CACNB2: variants seen among roughly 807,000 people sequenced by gnomAD.
CACNB2 encodes calcium voltage-gated channel auxiliary subunit beta 2.
Under a neutral mutation model 73.3 loss-of-function variants are expected in CACNB2, and 42 were observed. The observed-to-expected ratio is 0.57, with a 90% CI of 0.45 to 0.74. The LOEUF (loss-of-function observed/expected upper bound fraction) is 0.74, where lower values mean the gene tolerates loss of function less well. Among genes scored for constraint, CACNB2 ranks in the 30% least tolerant of loss-of-function variants. CACNB2 has a pLI of 0.00. For synonymous variants in CACNB2, 348 were observed against 310.3 expected (o/e 1.12, Z -1.28); for missense variants, 940 against 853.0 (o/e 1.10, Z -1.27).
At chr10:18,409,302 GAAAA>G (rs11386791) in intron 3 of CACNB2, among the ~76,000 whole-genome samples, 1 of 137,888 alleles carries the variant, frequency 7.3e-6, no homozygotes, top group Non-Finnish European at 1.6e-5. Context: ...CTGTCTCCAG[GAAAA>G]AAAAAAAAAA....
chr10:18,151,721 A>T (rs1030361929), intron 2 of CACNB2, among the ~76,000 whole-genome samples: 115 of 152,012 alleles, frequency 7.6e-4, no homozygotes, highest in African/African-American at 2.7e-3. Flanking sequence ...TCTTCCTCTA[A>T]CCCCTCTCCA....
At chr10:18,210,672 G>C (rs986078519) in intron 2 of CACNB2, among the ~76,000 whole-genome samples, 3 of 152,096 alleles carry the variant, frequency 2.0e-5, no homozygotes, top group Admixed American at 2.0e-4. Flanking sequence ...TAGATTTATT[G>C]TTAGCATCAA....
chr10:18,380,937 A>G (rs1041062772), intron 2 of CACNB2, among the ~76,000 whole-genome samples: 6 of 152,060 alleles, frequency 3.9e-5, no homozygotes, highest in Admixed American at 1.3e-4. Context: ...TTGATCTTAT[A>G]TTAATTAGCA....
chr10:18,448,454 G>A (rs546849407), intron 3 of CACNB2, among the ~76,000 whole-genome samples: 100 of 118,430 alleles, frequency 8.4e-4, no homozygotes, highest in South Asian at 1.7e-3. Context: ...TAGCCTAGGC[G>A]ACAAGAGCAA....
At chr10:18,147,311 A>C (rs1474010579) in intron 1 of CACNB2, among the ~76,000 whole-genome samples, 1 of 152,196 alleles carries the variant, frequency 6.6e-6, no homozygotes, top group Non-Finnish European at 1.5e-5. Flanking sequence ...GAAATTTCTT[A>C]AGAATTTTTT....
rs1396623970 is a variant in CACNB2 at position 18,259,706 on chromosome 10, G to A, written c.213+108731G>A. Among the ~76,000 whole-genome samples the A allele has an allele frequency of 4.2e-5, 6 of 142,764 alleles. No individual in the cohort carries two copies. The East Asian group carries it at 1.3e-3, about 30-fold the overall frequency. The allele number at this position is 142,764 out of a possible 152,430, so 93.7% of individuals were successfully genotyped here. ...AGGTTGTGCCACTGCACTCCAGTCT[G>A]GGTGACAGAGTGAGACTCTGTCTCA... On this transcript the variant is annotated intron_variant, in intron 2 of 13. Transcript: ENST00000324631.
At position 18,440,278 on chromosome 10, in the gene CACNB2, G is replaced by C. The variant is rs558864867; in HGVS notation, c.333+38235G>C. Among the ~76,000 whole-genome samples, 18 of 152,228 alleles carry C rather than the reference G, an allele frequency of 1.2e-4. No homozygotes were observed. The East Asian group carries it at 1.7e-3, about 15-fold the overall frequency. ...CCCACCTGCTGATAACTATAGCCTTGGAGATTAAGTTTCAACATATGAATT... is the reference window on the plus strand; with the variant it reads ...CCCACCTGCTGATAACTATAGCCTTCGAGATTAAGTTTCAACATATGAATT... On this transcript the variant is annotated intron_variant, in intron 3 of 13. Coordinates refer to ENST00000324631, the MANE Select transcript of CACNB2 (RefSeq NM_201596.3).
intron 2 of CACNB2, among the ~76,000 whole-genome samples, chr10:18,370,832 G>T (rs2042550034): frequency 6.6e-6 from 1 of 152,034 alleles, no homozygotes. Flanking sequence ...CATACACGCA[G>T]GCACATATTT....
intron 13 of CACNB2, 44 bp downstream of exon 13, chr10:18,538,409 G>T (rs758471274): frequency 2.5e-6 from 4 of 1,573,456 alleles, no homozygotes; most frequent in Non-Finnish European, 3.5e-6. Flanking sequence ...AATCTTCATA[G>T]AAAAAAGGTT....
chr10:18,494,649 A>G (rs916817841), intron 3 of CACNB2, among the ~76,000 whole-genome samples: 3 of 150,486 alleles, frequency 2.0e-5, no homozygotes, highest in Non-Finnish European at 4.4e-5. Flanking sequence ...AAAAAAAAAA[A>G]GAAAAGAAAA....
intron 2 of CACNB2, among the ~76,000 whole-genome samples, chr10:18,385,117 T>C (rs1208138437): frequency 6.6e-6 from 1 of 151,742 alleles, no homozygotes; most frequent in Non-Finnish European, 1.5e-5. Context: ...CCATCTCTAC[T>C]AAAAATACAA....
At chr10:18,404,923 A>G (rs927234143) in intron 3 of CACNB2, among the ~76,000 whole-genome samples, 1 of 152,240 alleles carries the variant, frequency 6.6e-6, no homozygotes, top group African/African-American at 2.4e-5. Flanking sequence ...TGAGGCCAAT[A>G]AATACCAACT....
intron 3 of CACNB2, among the ~76,000 whole-genome samples, chr10:18,434,506 C>T (rs1589342966): frequency 6.6e-6 from 1 of 152,134 alleles, no homozygotes; most frequent in South Asian, 2.1e-4. Flanking sequence ...CCTGGAATAG[C>T]ATTTCCCAAA....
At chr10:18,209,309 A>G (rs1317264055) in intron 2 of CACNB2, among the ~76,000 whole-genome samples, 1 of 152,122 alleles carries the variant, frequency 6.6e-6, no homozygotes, top group Non-Finnish European at 1.5e-5. Flanking sequence ...TGATAGATGG[A>G]TATGTTTCTC....
At chr10:18,280,970 G>A (rs61842672) in intron 2 of CACNB2, among the ~76,000 whole-genome samples, 6,928 of 152,234 alleles carry the variant, frequency 0.046, 223 homozygotes, top group Non-Finnish European at 0.073. Flanking sequence ...GATCACTAAC[G>A]CCTGTACACA....
At chr10:18,297,387 A>T (rs889592890) in intron 2 of CACNB2, among the ~76,000 whole-genome samples, 5 of 152,074 alleles carry the variant, frequency 3.3e-5, no homozygotes, top group African/African-American at 1.2e-4. Flanking sequence ...CTACAAAAAC[A>T]TTTAGAAGAA....
At chr10:18,512,924 G>A (rs11014582) in intron 6 of CACNB2, among the ~76,000 whole-genome samples, 7,345 of 152,204 alleles carry the variant, frequency 0.048, 275 homozygotes, top group Non-Finnish European at 0.077. Context: ...GCAGCCAGGC[G>A]TTGTCACGGA....
Position 18,265,731 on chromosome 10 carries a change from TTC to T in CACNB2, c.213+114757_213+114758del, listed in dbSNP as rs1213683223. Among the ~76,000 whole-genome samples the T allele has an allele frequency of 1.2e-4, 18 of 144,220 alleles. No individual in the cohort carries two copies. In the South Asian group the frequency reaches 3.5e-3, roughly 28 times the overall value. 94.6% of individuals were successfully genotyped at this position (144,220 alleles called of 152,430 possible). ...CATATAATCAGGATAATAGTAAAAT[TTC>T]AAAAGTTTATTGTGAGAGTTAAGAT... On this transcript the variant is annotated intron_variant, in intron 2 of 13. Coordinates refer to ENST00000324631, the MANE Select transcript of CACNB2 (RefSeq NM_201596.3).
chr10:18,371,840 T>G (rs1276318584), intron 2 of CACNB2, among the ~76,000 whole-genome samples: 1 of 152,236 alleles, frequency 6.6e-6, no homozygotes, highest in Non-Finnish European at 1.5e-5. Context: ...GTGTTCCTAT[T>G]TCTCCACATC....
Sources: allele counts gnomAD v4.1 joint callset (sites outside exome capture counted in the v4.1 genomes callset), GRCh38; gene constraint gnomAD v4.1.1; transcripts MANE v1.5; gene names NCBI Gene and HGNC (gene_info 2026-07-23, HGNC 2026-07-21).